ZFHX3: variants seen among roughly 807,000 people sequenced by gnomAD.
ZFHX3 encodes zinc finger homeobox protein 3.
Under a neutral mutation model 279.1 loss-of-function variants are expected in ZFHX3, and 42 were observed. The observed-to-expected ratio is 0.15, with a 90% CI of 0.12 to 0.19. ZFHX3 has a LOEUF of 0.19. Ranked by LOEUF, ZFHX3 falls within the 10% of genes least tolerant of loss-of-function variation. ZFHX3 has a pLI of 1.00. For missense variants in ZFHX3, 4,981 were observed against 4,754.0 expected, an observed-to-expected ratio of 1.05 and a Z score of -1.40; for synonymous variants, 2,293 against 1,957.8, an observed-to-expected ratio of 1.17 and a Z score of -4.52.
At chr16:73,525,110 C>CCA (rs1420816386) in intron 2 of ZFHX3, among the ~76,000 whole-genome samples, 7 of 152,152 alleles carry the variant, frequency 4.6e-5, no homozygotes, top group Admixed American at 6.5e-5. Context: ...CCAGGGCAAA[C>CCA]CAGCGACATG....
At chr16:73,176,875 T>G (rs967206716) in intron 5 of ZFHX3, among the ~76,000 whole-genome samples, 2 of 152,110 alleles carry the variant, frequency 1.3e-5, no homozygotes, top group African/African-American at 4.8e-5. Context: ...GCAATTTTTT[T>G]CATCCACAGA....
intron 2 of ZFHX3, among the ~76,000 whole-genome samples, chr16:73,534,217 A>G (rs1050446274): frequency 2.0e-5 from 3 of 152,132 alleles, no homozygotes; most frequent in African/African-American, 7.2e-5. Flanking sequence ...TTTAACACAC[A>G]AAGTATACTT....
chr16:73,853,097 A>G (rs1033084637), intron 1 of ZFHX3, among the ~76,000 whole-genome samples: 5 of 152,242 alleles, frequency 3.3e-5, no homozygotes, highest in African/African-American at 9.6e-5. Context: ...ACTAATCATC[A>G]GATAAATGCA....
At chr16:73,862,259 C>T (rs1365467642) in intron 1 of ZFHX3, among the ~76,000 whole-genome samples, 1 of 152,174 alleles carries the variant, frequency 6.6e-6, no homozygotes, top group South Asian at 2.1e-4. Flanking sequence ...TTGGGCTTCT[C>T]ACTGATTATA....
intron 1 of ZFHX3, among the ~76,000 whole-genome samples, chr16:73,825,887 T>C (rs1171922092): frequency 4.0e-5 from 4 of 100,962 alleles, no homozygotes; most frequent in African/African-American, 2.0e-4. Context: ...CGATGCGGGC[T>C]CTTTTTTGGT....
chr16:73,137,036 C>T (rs951264723), intron 6 of ZFHX3, among the ~76,000 whole-genome samples: 1 of 151,956 alleles, frequency 6.6e-6, no homozygotes, highest in Non-Finnish European at 1.5e-5. Flanking sequence ...TATGGAAACT[C>T]ACATGTAGGA....
In ZFHX3 at chr16:72,795,602, C is replaced by G. The variant is rs775813397; in HGVS notation, c.7080G>C (p.Gln2360His). 9.9e-6 allele frequency: 16 copies of G among 1,613,802 alleles called. No individual in the cohort carries two copies. Among genetic ancestry groups the G allele is most frequent in the Non-Finnish European group, 1.4e-5 (16 of 1,179,886 alleles). ...TGGAATCCTCATTTTGGCTGTCGTC[C>G]TGCCCCTCCTCATCCTCATCCTTGT... ...LCYKDEDEEG[Q>H]DDSQNEDSMD... The change falls in exon 9 of 10, where the codon CAG (glutamine) becomes CAC (histidine). Residue 2360 changes from glutamine to histidine, a missense_variant. Physicochemically the swap from Gln to His is conservative, Grantham distance 24. Coordinates refer to ENST00000268489, the MANE Select transcript of ZFHX3 (RefSeq NM_006885.4).
At chr16:73,780,091 G>C (rs979980360) in intron 1 of ZFHX3, among the ~76,000 whole-genome samples, 8 of 117,372 alleles carry the variant, frequency 6.8e-5, no homozygotes, top group Non-Finnish European at 1.3e-4. Context: ...CTGTAAACCA[G>C]CAAAACTCAC....
chr16:73,694,933 G>C (rs919770751), intron 1 of ZFHX3, among the ~76,000 whole-genome samples: 1 of 152,190 alleles, frequency 6.6e-6, no homozygotes, highest in African/African-American at 2.4e-5. Context: ...AGCCATGATT[G>C]ACTCAAGAAC....
chr16:72,951,088 G>A, intron 2 of ZFHX3, 123 bp from the exon 3 acceptor site: 1 of 1,362,110 alleles, frequency 7.3e-7, no homozygotes, highest in South Asian at 1.4e-5. Context: ...GACATTTCAA[G>A]TGTTGCAAAG....
At chr16:73,134,197 A>G (rs555455317) in intron 6 of ZFHX3, among the ~76,000 whole-genome samples, 22 of 152,240 alleles carry the variant, frequency 1.4e-4, no homozygotes, top group African/African-American at 5.1e-4. Flanking sequence ...GTCTGACTTC[A>G]GGTACCATGC....
intron 2 of ZFHX3, among the ~76,000 whole-genome samples, chr16:73,485,020 G>A (rs988891983): frequency 5.3e-5 from 8 of 152,134 alleles, no homozygotes; most frequent in East Asian, 1.9e-4. Context: ...TCAGAGACAC[G>A]ACTATAAAAG....
chr16:73,017,820 C>G (rs1047164356), intron 1 of ZFHX3, among the ~76,000 whole-genome samples: 1 of 152,168 alleles, frequency 6.6e-6, no homozygotes, highest in Non-Finnish European at 1.5e-5. Flanking sequence ...AGGCTAAGAC[C>G]TCTGCCACCT....
At chr16:73,028,717 G>A (rs1050054759) in intron 1 of ZFHX3, among the ~76,000 whole-genome samples, 10 of 152,158 alleles carry the variant, frequency 6.6e-5, no homozygotes, top group Admixed American at 3.3e-4. Flanking sequence ...TTGCTTCTCC[G>A]GGCCCATCCC....
intron 1 of ZFHX3, among the ~76,000 whole-genome samples, chr16:73,683,706 C>T (rs917565960): frequency 2.0e-5 from 3 of 151,998 alleles, no homozygotes; most frequent in African/African-American, 7.3e-5. Flanking sequence ...TTTAGGTGAC[C>T]CATCATCTCC....
At chr16:72,986,362 C>G (rs1962843498) in intron 1 of ZFHX3, among the ~76,000 whole-genome samples, 1 of 152,268 alleles carries the variant, frequency 6.6e-6, no homozygotes, top group East Asian at 1.9e-4. Flanking sequence ...TCCATTTGTT[C>G]TAACACATTT....
chr16:72,958,765 C>G lies in ZFHX3; in HGVS notation c.1381G>C (p.Glu461Gln). The G allele has an allele frequency of 6.2e-7, 1 of 1,614,126 alleles. No individual in the cohort carries two copies. Among genetic ancestry groups the G allele is most frequent in the Non-Finnish European group, 8.5e-7 (1 of 1,180,032 alleles). ...CFSEKVEPAE[E>Q]EAEEEEEEEE... ...TCCTCCTCTTCCTCCTCCGCCTCCT[C>G]TTCGGCTGGCTCTACCTTCTCAGAG... is the stretch of plus-strand genomic sequence containing the variant. The change falls in exon 2 of 10, where the codon GAG becomes CAG. Residue 461 changes from glutamate (E) to glutamine (Q), a missense_variant. By Grantham distance (29) the Glu-to-Gln change is conservative. This residue lies in a region of ZFHX3 where 1,068 missense variants were observed against 935.2 expected (regional missense o/e 1.14). Transcript: ENST00000268489.
chr16:73,148,233 T>C (rs1481110657), intron 5 of ZFHX3, among the ~76,000 whole-genome samples: 1 of 152,232 alleles, frequency 6.6e-6, no homozygotes, highest in Non-Finnish European at 1.5e-5. Context: ...TTTGGCCCTT[T>C]ATAGTAAACG....
In ZFHX3 at chr16:73,663,104, G is replaced by C. The variant is rs376661171; in HGVS notation, c.-1547+17076C>G. Among the ~76,000 whole-genome samples, 77 of 152,328 alleles carry C rather than the reference G, an allele frequency of 5.1e-4. 1 individual carries two copies. Among genetic ancestry groups the C allele is most frequent in the African/African-American group, 1.7e-3 (70 of 41,578 alleles). ...AAAAAGAAAAGAGGTTGGGTTGAGT[G>C]GGGGAGGAGTGAAAGCCATTCTGAT... On this transcript the variant is annotated intron_variant, in intron 2 of 17. Transcript: ENST00000641206.
Sources: gnomAD v4.1 joint callset for allele counts (sites outside exome capture counted in the v4.1 genomes callset) on GRCh38, gnomAD v4.1.1 for gene constraint, gnomAD v4.1.1 regional missense constraint, MANE v1.5 for transcripts, NCBI Gene and HGNC (gene_info 2026-07-23, HGNC 2026-07-21) for gene names.